Variants in CNTN3 observed in about 807,000 individuals in gnomAD.
CNTN3 encodes the protein contactin 3.
Under a neutral mutation model 119.1 loss-of-function variants are expected in CNTN3, and 60 were observed. That is an observed-to-expected ratio of 0.50 (90% confidence interval 0.41 to 0.62). The LOEUF (loss-of-function observed/expected upper bound fraction) is 0.62. Ranked by LOEUF, CNTN3 falls within the 20% of genes least tolerant of loss-of-function variation. The pLI is 0.00. For missense variants in CNTN3, 1,101 were observed against 1,242.4 expected, an observed-to-expected ratio of 0.89 and a Z score of 1.71; for synonymous variants, 450 against 438.7, an observed-to-expected ratio of 1.03 and a Z score of -0.32.
intron 1 of CNTN3, among the ~76,000 whole-genome samples, chr3:74,569,175 A>G (rs1280827933): frequency 6.6e-6 from 1 of 152,136 alleles, no homozygotes; most frequent in East Asian, 1.9e-4. Context: ...GCCTCTAAAG[A>G]CTCATATCTG....
At chr3:74,540,455 C>T (rs954159410) in intron 1 of CNTN3, among the ~76,000 whole-genome samples, 1 of 152,010 alleles carries the variant, frequency 6.6e-6, no homozygotes, top group African/African-American at 2.4e-5. Flanking sequence ...ATATCCTGTT[C>T]CTCCAAGCAG....
At chr3:74,578,336 T>C (rs908847929) in intron 1 of CNTN3, among the ~76,000 whole-genome samples, 1 of 152,100 alleles carries the variant, frequency 6.6e-6, no homozygotes, top group African/African-American at 2.4e-5. Flanking sequence ...GAAACTGATG[T>C]AAAAAATTTA....
intron 2 of CNTN3, among the ~76,000 whole-genome samples, chr3:74,508,038 C>T (rs552581326): frequency 6.6e-6 from 1 of 152,242 alleles, no homozygotes; most frequent in South Asian, 2.1e-4. Flanking sequence ...GGAAGCAGAA[C>T]AGAAAGGATA....
chr3:74,559,595 C>T (rs1704121893), intron 1 of CNTN3, among the ~76,000 whole-genome samples: 2 of 108,564 alleles, frequency 1.8e-5, no homozygotes, highest in Non-Finnish European at 4.0e-5. Flanking sequence ...CACACACAAC[C>T]AACTTGGACC....
At chr3:74,378,408 G>GT (rs1704530752) in intron 5 of CNTN3, among the ~76,000 whole-genome samples, 1 of 152,098 alleles carries the variant, frequency 6.6e-6, no homozygotes, top group South Asian at 2.1e-4. Context: ...ATTATATATT[G>GT]TATGTTTCTT....
chr3:74,287,481 T>A (rs887237219), intron 19 of CNTN3, among the ~76,000 whole-genome samples: 1 of 152,210 alleles, frequency 6.6e-6, no homozygotes, highest in Non-Finnish European at 1.5e-5. Context: ...ACTCTTTTAA[T>A]AGACAAAAAG....
chr3:74,488,872 G>A lies in CNTN3; in HGVS notation c.183-2241C>T, dbSNP rs528783658. Among the ~76,000 whole-genome samples, 7 of 152,220 alleles carry A rather than the reference G, an allele frequency of 4.6e-5. No homozygotes were observed. In the South Asian group the frequency reaches 1.5e-3, roughly 32 times the overall value. ...CATTTACGGCAGATTTCTGCTATTGGTTTTTGTTTGGTTTATTTGCAAAGT... is the reference window on the plus strand; with the variant it reads ...CATTTACGGCAGATTTCTGCTATTGATTTTTGTTTGGTTTATTTGCAAAGT... On this transcript the variant is annotated intron_variant, in intron 3 of 22. Coordinates refer to ENST00000263665, the MANE Select transcript of CNTN3 (RefSeq NM_020872.3).
chr3:74,558,456 A>T (rs1704103236), intron 1 of CNTN3, among the ~76,000 whole-genome samples: 1 of 152,186 alleles, frequency 6.6e-6, no homozygotes, highest in South Asian at 2.1e-4. Flanking sequence ...TATATATTTA[A>T]AATGATAAAC....
At chr3:74,367,803 G>T (rs1704235712) in intron 8 of CNTN3, among the ~76,000 whole-genome samples, 3 of 152,020 alleles carry the variant, frequency 2.0e-5, no homozygotes, top group Non-Finnish European at 4.4e-5. Context: ...GTTATATAGA[G>T]CTAAAAATAT....
At chr3:74,299,694 C>T (rs112820522) in intron 17 of CNTN3, among the ~76,000 whole-genome samples, 174 bp downstream of exon 17, 9 of 152,230 alleles carry the variant, frequency 5.9e-5, no homozygotes, top group African/African-American at 2.2e-4. Context: ...ACCAGCCCCA[C>T]TACCACTAAT....
chr3:74,303,277 C>A (rs944522695), intron 13 of CNTN3, among the ~76,000 whole-genome samples: 1 of 152,142 alleles, frequency 6.6e-6, no homozygotes, highest in African/African-American at 2.4e-5. Context: ...AAACACTTTT[C>A]TGAACACACT....
chr3:74,499,697 CAA>C lies in CNTN3; in HGVS notation c.142_143del (p.Leu48AlafsTer3). 1 of 1,611,268 alleles carries C rather than the reference CAA, an allele frequency of 6.2e-7. No homozygotes were observed. Among genetic ancestry groups the C allele is most frequent in the Non-Finnish European group, 8.5e-7 (1 of 1,178,324 alleles). On this transcript the variant is annotated frameshift_variant, in exon 3 of 23. Coordinates refer to ENST00000263665, the MANE Select transcript of CNTN3 (RefSeq NM_020872.3). LOFTEE classifies it high-confidence loss of function. ...ATGGATTGCCTCTTGCTTCACAATG[CAA>C]AGTTATTTTTTTATCTTCTGAACCA... The part of the protein sequence containing the change: ...PVGSEDKKIT[L>X]HCEARGNPSP...
intron 1 of CNTN3, among the ~76,000 whole-genome samples, chr3:74,587,538 A>G (rs2106679240): frequency 6.6e-6 from 1 of 152,216 alleles, no homozygotes; most frequent in Non-Finnish European, 1.5e-5. Flanking sequence ...GATATGCAGT[A>G]TGGGAAGAAA....
At chr3:74,461,316 C>G (rs1702363224) in intron 4 of CNTN3, among the ~76,000 whole-genome samples, 1 of 151,850 alleles carries the variant, frequency 6.6e-6, no homozygotes, top group Admixed American at 6.6e-5. Context: ...TTGTTCATGC[C>G]ATTTATCTAT....
At chr3:74,474,326 G>T (rs913152672) in intron 4 of CNTN3, among the ~76,000 whole-genome samples, 5 of 152,254 alleles carry the variant, frequency 3.3e-5, no homozygotes, top group Admixed American at 2.0e-4. Flanking sequence ...CATCAGAAAA[G>T]ACCAAGTTTA....
intron 13 of CNTN3, among the ~76,000 whole-genome samples, chr3:74,307,240 T>C (rs183604555): frequency 6.6e-6 from 1 of 152,212 alleles, no homozygotes; most frequent in East Asian, 1.9e-4. Flanking sequence ...CCCCAGAAAA[T>C]AAAAAGTTCA....
intron 19 of CNTN3, among the ~76,000 whole-genome samples, chr3:74,294,139 G>A (rs1702287403): frequency 6.6e-6 from 1 of 152,132 alleles, no homozygotes; most frequent in Non-Finnish European, 1.5e-5. Context: ...TGAATCAGGA[G>A]TTACATGCTT....
rs772605659 is a variant in CNTN3, at chr3:74,369,227, C to T, written c.908G>A (p.Arg303Gln). The T allele has an allele frequency of 1.1e-5, 18 of 1,607,740 alleles. No individual in the cohort carries two copies. The highest frequency in any genetic ancestry group is 2.2e-5 in the East Asian group (1 of 44,464). The part of the protein sequence containing the change: ...GSYECIAENS[R>Q]GKNVARGRLT... ...ACGCCCTCTGGCAACATTTTTTCCT[C>T]GTGAATTCTCAGCAATGCATTCATA... is the stretch of plus-strand genomic sequence containing the variant. The change falls in exon 8 of 23, where the codon CGA (arginine) becomes CAA (glutamine). Residue 303 changes from arginine (R) to glutamine (Q), a missense_variant. Physicochemically the swap from Arg to Gln is conservative, Grantham distance 43. Transcript: ENST00000263665.
intron 3 of CNTN3, among the ~76,000 whole-genome samples, chr3:74,495,650 C>T (rs941299066): frequency 2.6e-5 from 4 of 151,942 alleles, no homozygotes; most frequent in Non-Finnish European, 4.4e-5. Context: ...TTTATTTTCC[C>T]TTTCTTTCTT....
Sources: gnomAD v4.1 joint callset for allele counts (sites outside exome capture counted in the v4.1 genomes callset) on GRCh38, gnomAD v4.1.1 for gene constraint, MANE v1.5 for transcripts, NCBI Gene and HGNC (gene_info 2026-07-23, HGNC 2026-07-21) for gene names.